The following COL18A1 variants were observed in gnomAD, a reference collection of about 807,000 sequenced individuals.
COL18A1 encodes collagen type XVIII alpha 1 chain, also known as collagen alpha-1(XVIII) chain.
In COL18A1, 133 loss-of-function variants were observed where a neutral mutation model predicts 168.0. The ratio of observed to expected loss-of-function variants is 0.79; its 90% CI spans 0.69 to 0.91. The LOEUF is 0.91. Ranked by LOEUF, COL18A1 falls within the 40% of genes least tolerant of loss-of-function variation. The pLI, the probability that COL18A1 is intolerant of heterozygous loss-of-function variation, is 0.00. For missense variants in COL18A1, 2,126 were observed against 1,925.4 expected (o/e 1.10, Z -1.95); for synonymous variants, 949 against 809.0 (o/e 1.17, Z -2.94).
chr21:45,497,224 G>T (rs768012361), intron 31 of COL18A1, 132 bp downstream of exon 31: 2 of 728,824 alleles, frequency 2.7e-6, no homozygotes, highest in Non-Finnish European at 4.9e-6. Context: ...CCCAGCCCAC[G>T]CCCCAGTTCC....
At chr21:45,450,233 G>A (rs774453454) in intron 2 of COL18A1, among the ~76,000 whole-genome samples, 1 of 152,158 alleles carries the variant, frequency 6.6e-6, no homozygotes, top group Non-Finnish European at 1.5e-5. Context: ...AGGACATTCT[G>A]GGCTCGGGCG....
At chr21:45,424,733 G>A (rs78792911) in intron 2 of COL18A1, 6,117 of 152,436 alleles carry the variant, frequency 0.04, 159 homozygotes, top group East Asian at 0.092. Flanking sequence ...CCCTTCCGGG[G>A]CAGCCCTTGG....
chr21:45,511,874 C>T (rs912093940), intron 41 of COL18A1, among the ~76,000 whole-genome samples: 3 of 152,160 alleles, frequency 2.0e-5, no homozygotes, highest in Admixed American at 6.5e-5. Flanking sequence ...TGGTTCCTAG[C>T]GAGGCAGCCA....
chr21:45,468,517 G>A lies in COL18A1; in HGVS notation c.382G>A (p.Val128Met), dbSNP rs2035298526. ...CTTGCTGGGCGTGAAGCTCTCTGGG[G>A]TGCAGGACGGGCACCAGGACATCTC... ...MVLLGVKLSG[V>M]QDGHQDISLL... The change falls in exon 3 of 42, where the codon GTG becomes ATG. Residue 128 changes from valine to methionine, a missense_variant. Physicochemically the swap from Val to Met is conservative, Grantham distance 21. Coordinates refer to ENST00000651438, the MANE Select transcript of COL18A1 (RefSeq NM_001379500.1). 2 of 1,613,550 alleles carry A rather than the reference G, an allele frequency of 1.2e-6. No homozygotes were observed. The highest frequency in any genetic ancestry group is 1.1e-5 in the South Asian group (1 of 91,084).
At chr21:45,492,447 G>C in intron 22 of COL18A1, 88 bp from the exon 23 acceptor site, 2 of 1,480,222 alleles carry the variant, frequency 1.4e-6, no homozygotes, top group Non-Finnish European at 1.9e-6. Context: ...TCCTGGTTTG[G>C]TGTTTTGTTG....
chr21:45,506,271 G>A (rs1226058473), intron 37 of COL18A1: 1 of 413,396 alleles, frequency 2.4e-6, no homozygotes, highest in Non-Finnish European at 4.6e-6. Context: ...CCGATAATAA[G>A]ACAAGGCGCC....
chr21:45,441,460 C>G (rs981681928), intron 2 of COL18A1, among the ~76,000 whole-genome samples: 1 of 152,202 alleles, frequency 6.6e-6, no homozygotes, highest in Non-Finnish European at 1.5e-5. Context: ...CAGCAGCTGC[C>G]TCCAGGCCTC....
At chr21:45,462,921 G>A (rs919209295) in intron 2 of COL18A1, among the ~76,000 whole-genome samples, 2 of 151,820 alleles carry the variant, frequency 1.3e-5, no homozygotes, top group Non-Finnish European at 2.9e-5. Context: ...AAAATGTTTT[G>A]TGTCTGTGCC....
At chr21:45,451,792 A>G (rs2034628901) in intron 2 of COL18A1, among the ~76,000 whole-genome samples, 1 of 151,792 alleles carries the variant, frequency 6.6e-6, no homozygotes. Context: ...GGTCCTGCGC[A>G]CCCCCAGGGA....
chr21:45,507,023 CAGG>C (rs559990384), intron 37 of COL18A1: 21 of 308,608 alleles, frequency 6.8e-5, no homozygotes, highest in South Asian at 3.3e-4. Context: ...TTGGTCCTGA[CAGG>C]AGGAGGCAGG....
At position 45,441,224 on chromosome 21, in the gene COL18A1, C is replaced by T. The variant is rs372728256; in HGVS notation, c.107-27018C>T. Among the ~76,000 whole-genome samples, 23 of 152,318 alleles carry T rather than the reference C, an allele frequency of 1.5e-4. No individual in the cohort carries two copies. In the East Asian group the frequency reaches 3.9e-3, roughly 26 times the overall value. ...ACACACAGAGGCTGCTCCTGCGTGG[C>T]CCTGGTCCCTCACCTCTACTTCTGG... On this transcript the variant is annotated intron_variant, in intron 2 of 41. Coordinates refer to ENST00000651438, the MANE Select transcript of COL18A1 (RefSeq NM_001379500.1).
chr21:45,409,473 C>T lies in COL18A1; in HGVS notation c.106+4000C>T, dbSNP rs148847054. On this transcript the variant is annotated intron_variant, in intron 2 of 41. Transcript: ENST00000651438. The stretch of plus-strand genomic sequence containing the variant: ...GGGTGCTCCTCTTATCCAAGGCCTC[C>T]CAGGCCTGGGAGTTTGGGGTCTAAG... Among the ~76,000 whole-genome samples, 1,087 of 152,176 alleles carry T rather than the reference C, an allele frequency of 7.1e-3. 9 individuals carry two copies. Among genetic ancestry groups the T allele is most frequent in the Middle Eastern group, 0.017 (5 of 294 alleles).
At chr21:45,432,220 G>C (rs1020415148) in intron 2 of COL18A1, among the ~76,000 whole-genome samples, 2 of 149,672 alleles carry the variant, frequency 1.3e-5, no homozygotes, top group East Asian at 4.0e-4. Flanking sequence ...CCCTCATGGG[G>C]GGTCCTGAAG....
chr21:45,504,332 C>T (rs2037051314), intron 33 of COL18A1, 84 bp from the exon 34 acceptor site: 1 of 1,431,546 alleles, frequency 7.0e-7, no homozygotes, highest in Admixed American at 2.0e-5. Context: ...TTCTGACTGC[C>T]CAGCCCTGGC....
At chr21:45,493,729 T>C in intron 26 of COL18A1, 154 bp downstream of exon 26, 1 of 637,036 alleles carries the variant, frequency 1.6e-6, no homozygotes, top group South Asian at 1.9e-5. Context: ...TGGCCCCTCC[T>C]TTCTCGCACC....
At chr21:45,458,571 G>A (rs1051465393) in intron 2 of COL18A1, among the ~76,000 whole-genome samples, 3 of 152,112 alleles carry the variant, frequency 2.0e-5, no homozygotes, top group Admixed American at 1.3e-4. Flanking sequence ...CAACCCCCCC[G>A]GAGCCACACC....
rs1448522581 is a variant in COL18A1 at position 45,493,537 on chromosome 21, G to A, written c.2314G>A (p.Asp772Asn). The change falls in exon 26 of 42, where the codon GAC becomes AAC. Residue 772 changes from aspartate to asparagine, a missense_variant. Asp to Asn is a conservative substitution (Grantham distance 23). Transcript: ENST00000651438. ...TGAACCGGGCAGCATCTTCAGCCCCGACGGCGGTGCCCTGGGCCCTGCCCA... is the reference window on the plus strand; with the variant it reads ...TGAACCGGGCAGCATCTTCAGCCCCAACGGCGGTGCCCTGGGCCCTGCCCA... ...KGEPGSIFSP[D>N]GGALGPAQKG... 15 of 1,561,190 alleles carry A rather than the reference G, an allele frequency of 9.6e-6. No homozygotes were observed. Among genetic ancestry groups the A allele is most frequent in the African/African-American group, 2.7e-5 (2 of 73,380 alleles).
At chr21:45,440,320 G>A (rs908600898) in intron 2 of COL18A1, among the ~76,000 whole-genome samples, 1 of 152,228 alleles carries the variant, frequency 6.6e-6, no homozygotes, top group African/African-American at 2.4e-5. Context: ...CCCACGGAGA[G>A]GGTCCAGAGC....
intron 20 of COL18A1, 89 bp from the exon 21 acceptor site, chr21:45,490,747 C>T: frequency 4.4e-6 from 6 of 1,351,922 alleles, no homozygotes; most frequent in Non-Finnish European, 6.2e-6. Flanking sequence ...AAATAAAGAA[C>T]CCCACATCTT....
Sources: gnomAD v4.1 joint callset for allele counts (sites outside exome capture counted in the v4.1 genomes callset) on GRCh38, gnomAD v4.1.1 for gene constraint, MANE v1.5 for transcripts, NCBI Gene and HGNC (gene_info 2026-07-23, HGNC 2026-07-21) for gene names.